Variants in TCP11L1 observed in about 807,000 individuals in gnomAD.
TCP11L1 encodes the protein t-complex 11 like 1, also known as T-complex protein 11-like protein 1.
Under a neutral mutation model 48.9 loss-of-function variants are expected in TCP11L1, and 28 were observed. That is an observed-to-expected ratio of 0.57 (90% CI 0.42 to 0.78). The LOEUF is 0.78. TCP11L1 is among the 30% of genes least tolerant of loss of function. TCP11L1 has a pLI of 0.00. For synonymous variants in TCP11L1, 204 were observed against 231.9 expected (o/e 0.88, Z 1.09); for missense variants, 505 against 613.4 (o/e 0.82, Z 1.87).
At chr11:33,064,351 A>G (rs796429586) in intron 7 of TCP11L1, among the ~76,000 whole-genome samples, 22 of 152,158 alleles carry the variant, frequency 1.4e-4, no homozygotes, top group South Asian at 4.2e-4. Flanking sequence ...AGGATTCTCA[A>G]TCCTCAGGGT....
chr11:33,047,873 G>C (rs11032122), intron 2 of TCP11L1, among the ~76,000 whole-genome samples: 62,439 of 152,024 alleles, frequency 0.41, 13,038 homozygotes, highest in African/African-American at 0.48. Context: ...AGCTGTTTGG[G>C]TGACAGTTGC....
Position 33,049,368 on chromosome 11 carries a change from C to T in TCP11L1, c.164-5225C>T, listed in dbSNP as rs558092739. On this transcript the variant is annotated intron_variant, in intron 2 of 9. Transcript: ENST00000334274. ...GAAGGGGTGGCCTGCCCCTCCACAA[C>T]CTGTGGGTGTTTCTCGTCATGTGGG... 6.6e-5 allele frequency among the ~76,000 whole-genome samples: 10 copies of T among 152,148 alleles called. No homozygotes were observed. The East Asian group carries it at 1.9e-3, about 29-fold the overall frequency.
rs1854352950 is a variant in TCP11L1, at chr11:33,057,839, A to T, written c.418-80A>T. ...ATTACGTAGCAATTGAGAAGCCCTTATTTGGATAGTTATAAATTACATATA... is the reference window on the plus strand; with the variant it reads ...ATTACGTAGCAATTGAGAAGCCCTTTTTTGGATAGTTATAAATTACATATA... On this transcript the variant is annotated intron_variant, in intron 4 of 9. Transcript: ENST00000334274. The T allele has an allele frequency of 2.1e-5, 26 of 1,235,998 alleles. No homozygotes were observed. In the South Asian group the frequency reaches 3.9e-4, roughly 19 times the overall value. 76.6% of individuals were successfully genotyped at this position (1,235,998 alleles called of 1,614,324 possible). A position where few individuals can be genotyped will look rare whatever the true frequency, so the allele number is the denominator to read the frequency against.
chr11:33,056,825 A>T (rs1236697862), intron 3 of TCP11L1: 1 of 315,940 alleles, frequency 3.2e-6, no homozygotes, highest in East Asian at 6.6e-5. Context: ...ACAGCTTTGA[A>T]CTTTCCAATA....
At chr11:33,057,445 A>G (rs1428616887) in intron 4 of TCP11L1, among the ~76,000 whole-genome samples, 2 of 152,270 alleles carry the variant, frequency 1.3e-5, no homozygotes, top group Non-Finnish European at 2.9e-5. Flanking sequence ...CATTTAAGAC[A>G]ACAAAGTTAT....
At chr11:33,056,269 C>T (rs1013632210) in intron 3 of TCP11L1, among the ~76,000 whole-genome samples, 26 of 152,146 alleles carry the variant, frequency 1.7e-4, no homozygotes, top group African/African-American at 5.8e-4. Context: ...CACCACCACA[C>T]CCAGCTAATT....
At chr11:33,049,627 G>T (rs190092192) in intron 2 of TCP11L1, among the ~76,000 whole-genome samples, 5 of 152,178 alleles carry the variant, frequency 3.3e-5, no homozygotes, top group Non-Finnish European at 7.3e-5. Context: ...AAGGTACTGT[G>T]CCTTGATGTG....
intron 2 of TCP11L1, among the ~76,000 whole-genome samples, chr11:33,048,263 T>G (rs1854058066): frequency 6.6e-6 from 1 of 151,896 alleles, no homozygotes; most frequent in Non-Finnish European, 1.5e-5. Flanking sequence ...TTCACCCACC[T>G]CAACCTCCCT....
At chr11:33,064,105 C>T (rs1444042581) in intron 7 of TCP11L1, among the ~76,000 whole-genome samples, 6 of 152,006 alleles carry the variant, frequency 3.9e-5, no homozygotes, top group African/African-American at 1.5e-4. Flanking sequence ...CTCCAGCCTC[C>T]TCACTTGGCA....
intron 6 of TCP11L1, 75 bp downstream of exon 6, chr11:33,059,170 A>G (rs983842049): frequency 1.2e-5 from 19 of 1,562,140 alleles, no homozygotes; most frequent in Non-Finnish European, 1.5e-5. Flanking sequence ...TTGTTGCATA[A>G]TATTATTTTC....
At chr11:33,057,067 C>T (rs756332355) in intron 3 of TCP11L1, 48 bp from the exon 4 acceptor site, 43 of 1,611,172 alleles carry the variant, frequency 2.7e-5, no homozygotes, top group Non-Finnish European at 3.1e-5. Context: ...ATTTGAAACT[C>T]AAATATTTTG....
intron 2 of TCP11L1, among the ~76,000 whole-genome samples, chr11:33,051,611 C>A (rs1424405725): frequency 6.6e-6 from 1 of 152,136 alleles, no homozygotes; most frequent in Non-Finnish European, 1.5e-5. Flanking sequence ...TCACTGCAAC[C>A]TCTGTCTCCT....
chr11:33,046,194 C>T (rs1215580220), intron 2 of TCP11L1, among the ~76,000 whole-genome samples: 2 of 152,266 alleles, frequency 1.3e-5, no homozygotes, highest in African/African-American at 4.8e-5. Flanking sequence ...AGACCCTGGA[C>T]CCTGGACATG....
chr11:33,054,669 T>C lies in TCP11L1; in HGVS notation c.240T>C (p.His80=), dbSNP rs1241491808. Residue 80 remains histidine, a synonymous_variant, in exon 3 of 10, where the codon CAT becomes CAC. Coordinates refer to ENST00000334274, the MANE Select transcript of TCP11L1 (RefSeq NM_018393.4). ...ARGVTNMALA[H]EIVVNGDFQI... ...GTGTCACCAACATGGCTCTAGCCCA[T>C]GAAATTGTAGTAAATGGAGACTTTC... The C allele has an allele frequency of 6.2e-7, 1 of 1,613,956 alleles. No homozygotes were observed. The highest frequency in any genetic ancestry group is 8.5e-7 in the Non-Finnish European group (1 of 1,179,938).
At chr11:33,064,154 AAAAG>A (rs1454804718) in intron 7 of TCP11L1, among the ~76,000 whole-genome samples, 9 of 151,976 alleles carry the variant, frequency 5.9e-5, no homozygotes, top group Non-Finnish European at 1.0e-4. Flanking sequence ...AAATAAATAG[AAAAG>A]AAAAGAAAAG....
Position 33,073,413 on chromosome 11 carries a change from T to C in TCP11L1, c.*737T>C, listed in dbSNP as rs1854854823. 6.6e-6 allele frequency: 1 copy of C among 152,212 alleles called. No individual in the cohort carries two copies. Among genetic ancestry groups the C allele is most frequent in the Admixed American group, 6.5e-5 (1 of 15,278 alleles). 9.4% of individuals were successfully genotyped at this position (152,212 alleles called of 1,614,324 possible). On this transcript the variant is annotated 3_prime_UTR_variant, in exon 10 of 10. Transcript: ENST00000334274. ...ATGAGATCTAGTGAAAGGAAAGTCT[T>C]TGACTTTCAAGCCTTGAAAGTCAAG...
Position 33,043,914 on chromosome 11 carries a change from C to T in TCP11L1, c.141C>T (p.Pro47=). ...CAATAAAGTCAGACTCCTCCAGCCC[C>T]CAAAGAGTGCAGAGACCTCACTGTA... The part of the protein sequence containing the change: ...QKAIKSDSSS[P]QRVQRPHSSP... Residue 47 remains proline, a synonymous_variant, in exon 2 of 10, where the codon CCC becomes CCT. Coordinates refer to ENST00000334274, the MANE Select transcript of TCP11L1 (RefSeq NM_018393.4). 1 of 1,611,220 alleles carries T rather than the reference C, an allele frequency of 6.2e-7. No individual in the cohort carries two copies. The highest frequency in any genetic ancestry group is 1.3e-5 in the African/African-American group (1 of 74,814).
chr11:33,072,629 T>C lies in TCP11L1; in HGVS notation c.1483T>C (p.Cys495Arg), dbSNP rs1268707616. ...RLVNYNKMVF[C>R]PYYDAILSKI... ...GGTCAACTATAACAAGATGGTCTTC[T>C]GTCCCTACTACGATGCAATCCTGAG... is the stretch of plus-strand genomic sequence containing the variant. Residue 495 changes from cysteine to arginine, a missense_variant, in exon 10 of 10, where the codon TGT becomes CGT. Physicochemically the swap from Cys to Arg is radical, Grantham distance 180. Transcript: ENST00000334274. 1 of 1,614,084 alleles carries C rather than the reference T, an allele frequency of 6.2e-7. No individual in the cohort carries two copies. Among genetic ancestry groups the C allele is most frequent in the Non-Finnish European group, 8.5e-7 (1 of 1,180,044 alleles).
At chr11:33,065,740 C>T (rs1854596011) in intron 7 of TCP11L1, 90 bp from the exon 8 acceptor site, 1 of 1,416,184 alleles carries the variant, frequency 7.1e-7, no homozygotes, top group Non-Finnish European at 9.7e-7. Flanking sequence ...AGGGAAGCTG[C>T]AGAGGCAGGT....
Sources: gnomAD v4.1 joint callset for allele counts (sites outside exome capture counted in the v4.1 genomes callset) on GRCh38, gnomAD v4.1.1 for gene constraint, MANE v1.5 for transcripts, NCBI Gene and HGNC (gene_info 2026-07-23, HGNC 2026-07-21) for gene names.